CSMD1: variants seen among roughly 807,000 people sequenced by gnomAD.
CSMD1 encodes the protein CUB and sushi domain-containing protein 1.
A neutral mutation model predicts 417.5 loss-of-function variants in CSMD1; 213 were observed. The observed-to-expected ratio is 0.51, with a 90% confidence interval of 0.46 to 0.57. The LOEUF (loss-of-function observed/expected upper bound fraction) is 0.57. CSMD1 is among the 20% of genes least tolerant of loss of function. CSMD1 has a pLI of 0.00. For missense variants in CSMD1, 6,923 were observed against 4,529.7 expected (o/e 1.53, Z -15.17); for synonymous variants, 2,862 against 1,736.8 (o/e 1.65, Z -16.11).
At chr8:4,041,084 T>C (rs189518265) in intron 3 of CSMD1, among the ~76,000 whole-genome samples, 20,565 of 144,300 alleles carry the variant, frequency 0.14, 2,071 homozygotes, top group East Asian at 0.38. Flanking sequence ...TGGCGCGATC[T>C]CGGCTCACTG....
chr8:4,835,206 T>C, intron 1 of CSMD1, among the ~76,000 whole-genome samples: 1 of 151,980 alleles, frequency 6.6e-6, no homozygotes. Flanking sequence ...TATTTATTTA[T>C]TAGCGTCAGA....
chr8:3,840,673 G>C (rs983035190), intron 5 of CSMD1, among the ~76,000 whole-genome samples: 2 of 150,546 alleles, frequency 1.3e-5, no homozygotes, highest in Admixed American at 1.3e-4. Flanking sequence ...ACTATACAGT[G>C]ACCTCAATTC....
chr8:4,203,321 G>A (rs574923193), intron 3 of CSMD1, among the ~76,000 whole-genome samples: 2 of 152,216 alleles, frequency 1.3e-5, no homozygotes, highest in East Asian at 3.9e-4. Flanking sequence ...GGTCGGCTCA[G>A]GGAGACCCAT....
At chr8:4,880,752 TC>T (rs1803344145) in intron 1 of CSMD1, among the ~76,000 whole-genome samples, 1 of 152,100 alleles carries the variant, frequency 6.6e-6, no homozygotes, top group South Asian at 2.1e-4. Flanking sequence ...GTTGGAACAA[TC>T]TTTTGCCTTC....
intron 3 of CSMD1, among the ~76,000 whole-genome samples, chr8:4,322,972 G>A (rs551271325): frequency 3.9e-4 from 59 of 152,312 alleles, no homozygotes; most frequent in African/African-American, 9.6e-4. Flanking sequence ...GTGACAGAGC[G>A]AGACTCCGTC....
intron 52 of CSMD1, among the ~76,000 whole-genome samples, chr8:3,008,884 T>C (rs2128961407): frequency 6.6e-6 from 1 of 152,310 alleles, no homozygotes; most frequent in Admixed American, 6.5e-5. Flanking sequence ...CCGATTTACC[T>C]TCACATCATA....
intron 68 of CSMD1, among the ~76,000 whole-genome samples, chr8:2,949,090 T>C (rs1802443606): frequency 6.6e-6 from 1 of 152,090 alleles, no homozygotes; most frequent in African/African-American, 2.4e-5. Flanking sequence ...ATATGATGTC[T>C]GGCACATTTA....
chr8:4,802,805 G>A (rs1272076062), intron 1 of CSMD1, among the ~76,000 whole-genome samples: 2 of 152,138 alleles, frequency 1.3e-5, no homozygotes, highest in East Asian at 1.9e-4. Flanking sequence ...TGACGTCATA[G>A]GGAAGGACAG....
At chr8:4,814,959 C>G (rs963865935) in intron 1 of CSMD1, among the ~76,000 whole-genome samples, 34 of 152,186 alleles carry the variant, frequency 2.2e-4, no homozygotes, top group African/African-American at 8.2e-4. Context: ...ATTATAGAGA[C>G]TGATGGATCC....
At chr8:3,349,948 GTGTA>G (rs1808294989) in intron 21 of CSMD1, among the ~76,000 whole-genome samples, 2 of 142,056 alleles carry the variant, frequency 1.4e-5, no homozygotes, top group African/African-American at 2.6e-5. Context: ...TATATTATAT[GTGTA>G]TGTGTGTTAT....
intron 3 of CSMD1, among the ~76,000 whole-genome samples, chr8:4,040,084 G>C (rs777786510): frequency 6.6e-6 from 1 of 152,146 alleles, no homozygotes; most frequent in Non-Finnish European, 1.5e-5. Flanking sequence ...AATTTTCAAA[G>C]TATACAGAGA....
chr8:4,111,731 G>A (rs1342779022), intron 3 of CSMD1, among the ~76,000 whole-genome samples: 1 of 152,118 alleles, frequency 6.6e-6, no homozygotes, highest in Non-Finnish European at 1.5e-5. Flanking sequence ...GGAACACATG[G>A]AAACAGAGAG....
At chr8:3,277,988 T>C (rs1802432000) in intron 26 of CSMD1, among the ~76,000 whole-genome samples, 1 of 152,176 alleles carries the variant, frequency 6.6e-6, no homozygotes, top group Non-Finnish European at 1.5e-5. Context: ...CCTTCGTGGG[T>C]ATCTTAATGT....
At chr8:3,391,701 G>A (rs958669007) in intron 17 of CSMD1, among the ~76,000 whole-genome samples, 3 of 152,162 alleles carry the variant, frequency 2.0e-5, no homozygotes, top group South Asian at 2.1e-4. Flanking sequence ...AGTGAATGCT[G>A]TTTACAGTAG....
intron 5 of CSMD1, among the ~76,000 whole-genome samples, chr8:3,870,479 T>A (rs1805407866): frequency 6.6e-6 from 1 of 152,132 alleles, no homozygotes; most frequent in Non-Finnish European, 1.5e-5. Flanking sequence ...TTATTAGAGT[T>A]GAAATTGAGG....
intron 2 of CSMD1, among the ~76,000 whole-genome samples, chr8:4,477,096 A>G (rs2959180): frequency 1.3e-5 from 2 of 152,214 alleles, no homozygotes; most frequent in East Asian, 3.9e-4. Context: ...AGGTGTGAGC[A>G]CTCCTTCCCA....
chr8:4,167,526 C>G (rs1337008010), intron 3 of CSMD1, among the ~76,000 whole-genome samples: 1 of 152,114 alleles, frequency 6.6e-6, no homozygotes, highest in South Asian at 2.1e-4. Flanking sequence ...GTAGCTACCT[C>G]TGATTTATAT....
intron 1 of CSMD1, among the ~76,000 whole-genome samples, chr8:4,827,846 T>C (rs961178129): frequency 5.9e-5 from 9 of 152,192 alleles, no homozygotes; most frequent in Admixed American, 4.6e-4. Flanking sequence ...TTTAAATTCT[T>C]AGTTTACTTG....
intron 1 of CSMD1, among the ~76,000 whole-genome samples, chr8:4,880,974 T>C (rs987281442): frequency 2.0e-5 from 3 of 152,106 alleles, no homozygotes; most frequent in Admixed American, 6.5e-5. Flanking sequence ...GTTCTCACTA[T>C]TTCTGAAACC....
Sources: allele counts gnomAD v4.1 joint callset (sites outside exome capture counted in the v4.1 genomes callset), GRCh38; gene constraint gnomAD v4.1.1; transcripts MANE v1.5; gene names NCBI Gene and HGNC (gene_info 2026-07-23, HGNC 2026-07-21).